The following SPATA13 variants were observed in gnomAD, a reference collection of about 807,000 sequenced individuals.
SPATA13 encodes the protein spermatogenesis associated 13, also known as spermatogenesis-associated protein 13.
SPATA13 carries 50 observed loss-of-function variants against 104.0 expected under a neutral mutation model. The observed-to-expected ratio is 0.48, with a 90% CI of 0.38 to 0.61. The LOEUF is 0.61. Among genes scored for constraint, SPATA13 ranks in the 20% least tolerant of loss-of-function variants. The probability of loss-of-function intolerance (pLI) is 0.00; values close to 1 mark genes in which losing one functional copy is unlikely to be tolerated. For missense variants in SPATA13, 1,524 were observed against 1,690.6 expected (o/e 0.90, Z 1.73); for synonymous variants, 606 against 667.5 (o/e 0.91, Z 1.42).
At chr13:24,245,608 T>TTA (rs1491574293) in intron 2 of SPATA13, among the ~76,000 whole-genome samples, 4 of 131,414 alleles carry the variant, frequency 3.0e-5, no homozygotes, top group Non-Finnish European at 5.0e-5. Context: ...TTTTTTTTTT[T>TTA]AGACAACAGG....
At chr13:24,139,938 G>A (rs1053155980) in intron 3 of SPATA13, among the ~76,000 whole-genome samples, 7 of 151,980 alleles carry the variant, frequency 4.6e-5, no homozygotes, top group African/African-American at 1.7e-4. Flanking sequence ...CGTGGTGGCG[G>A]GCACCTGTAG....
intron 3 of SPATA13, among the ~76,000 whole-genome samples, chr13:24,024,594 G>T (rs569737529): frequency 6.6e-6 from 1 of 151,564 alleles, no homozygotes; most frequent in Admixed American, 6.6e-5. Flanking sequence ...CAGCTGGCAC[G>T]CTGCTGCTGA....
rs200561968 is a variant in SPATA13, at chr13:24,294,881, C to G, written c.3210+13C>G. On this transcript the variant is annotated intron_variant, in intron 10 of 12. Transcript: ENST00000382108. ...CGTGGGCTGGGAGGTAAGTGGAAAG[C>G]ACCCCACATGATCCCATGCCACTCG... is the stretch of plus-strand genomic sequence containing the variant. The G allele has an allele frequency of 3.9e-5, 63 of 1,599,420 alleles. No individual in the cohort carries two copies.
intron 2 of SPATA13, among the ~76,000 whole-genome samples, chr13:23,990,394 C>T (rs1349455255): frequency 2.6e-5 from 4 of 152,174 alleles, no homozygotes; most frequent in Admixed American, 2.0e-4. Context: ...TTTCCTTGCT[C>T]ATTGCCCCCT....
chr13:24,115,632 G>A (rs1349104451), intron 3 of SPATA13, among the ~76,000 whole-genome samples: 1 of 152,226 alleles, frequency 6.6e-6, no homozygotes, highest in African/African-American at 2.4e-5. Flanking sequence ...TGCCAAAAAG[G>A]TTGGAGACTG....
intron 2 of SPATA13, among the ~76,000 whole-genome samples, chr13:24,246,978 C>T (rs1315357985): frequency 1.3e-5 from 2 of 152,180 alleles, no homozygotes; most frequent in Non-Finnish European, 2.9e-5. Context: ...GATAAATAGG[C>T]TTTCAGGAAA....
chr13:24,023,077 T>C (rs975648440), intron 3 of SPATA13, among the ~76,000 whole-genome samples: 10 of 152,166 alleles, frequency 6.6e-5, no homozygotes, highest in Admixed American at 5.9e-4. Context: ...CTCCCAATGC[T>C]ATCCCTCCCC....
intron 9 of SPATA13, 35 bp downstream of exon 9, chr13:24,290,919 A>G (rs12430530): frequency 0.18 from 278,435 of 1,547,220 alleles, 26,246 homozygotes; most frequent in Admixed American, 0.3. Context: ...AGGTGAGAGC[A>G]CTGCTGCCAT....
In SPATA13 at chr13:23,990,379, C is replaced by G. The variant is rs539378681; in HGVS notation, c.-147+6446C>G. 3.0e-4 allele frequency among the ~76,000 whole-genome samples: 45 copies of G among 152,324 alleles called. No individual in the cohort carries two copies. In the South Asian group the frequency reaches 8.5e-3, roughly 29 times the overall value. ...GGACTGGCATGCCCTGGCTCACTCC[C>G]TCTGTTTCCTTGCTCATTGCCCCCT... is the stretch of plus-strand genomic sequence containing the variant. On this transcript the variant is annotated intron_variant, in intron 2 of 14. Transcript: ENST00000424834.
intron 2 of SPATA13, among the ~76,000 whole-genome samples, chr13:24,010,076 T>G (rs919756620): frequency 2.6e-5 from 4 of 152,216 alleles, no homozygotes; most frequent in Admixed American, 2.6e-4. Context: ...TACACTGGTT[T>G]TGTCCTGAAA....
chr13:24,150,091 G>A (rs1266411338), intron 3 of SPATA13, among the ~76,000 whole-genome samples: 1 of 152,106 alleles, frequency 6.6e-6, no homozygotes, highest in African/African-American at 2.4e-5. Context: ...AGACGGAGCT[G>A]GGCAATGCTG....
At chr13:24,221,937 C>A (rs1245537579) in intron 1 of SPATA13, among the ~76,000 whole-genome samples, 1 of 151,710 alleles carries the variant, frequency 6.6e-6, no homozygotes. Context: ...TTCAGCCTCC[C>A]GAGTAGCTAG....
chr13:24,066,518 C>G (rs1169507013), intron 3 of SPATA13, among the ~76,000 whole-genome samples: 1 of 152,120 alleles, frequency 6.6e-6, no homozygotes, highest in African/African-American at 2.4e-5. Context: ...ATTTTACCAC[C>G]CTGGGACAAA....
chr13:23,991,310 A>G (rs1875404939), intron 2 of SPATA13, among the ~76,000 whole-genome samples: 1 of 152,220 alleles, frequency 6.6e-6, no homozygotes, highest in African/African-American at 2.4e-5. Flanking sequence ...ATTCAGGGCA[A>G]TAAATCCTGT....
chr13:23,992,595 G>A (rs1875464991), intron 2 of SPATA13, among the ~76,000 whole-genome samples: 1 of 152,152 alleles, frequency 6.6e-6, no homozygotes, highest in Non-Finnish European at 1.5e-5. Context: ...GTTGGCAGGG[G>A]TAGTCCCATG....
rs201620960 is a variant in SPATA13 at position 24,257,611 on chromosome 13, CT to C, written c.2164+5762del. ...CTCAATTTGATTTTTTAAATTTTTA[CT>C]TTTTTTTTTTTTGGCAAATATAGTT... On this transcript the variant is annotated intron_variant, in intron 4 of 12. Transcript: ENST00000382108. Among the ~76,000 whole-genome samples, 1,161 of 143,176 alleles carry C rather than the reference CT, an allele frequency of 8.1e-3. 8 individuals are homozygous for C. The highest frequency in any genetic ancestry group is 0.021 in the African/African-American group (833 of 39,330). 93.9% of individuals were successfully genotyped at this position (143,176 alleles called of 152,430 possible). A position where few individuals can be genotyped will look rare whatever the true frequency, so the allele number is the denominator to read the frequency against.
chr13:24,147,344 T>G (rs1310663112), intron 3 of SPATA13, among the ~76,000 whole-genome samples: 1 of 152,162 alleles, frequency 6.6e-6, no homozygotes, highest in East Asian at 1.9e-4. Flanking sequence ...TTTCTGTAAT[T>G]TAGCTTGTAG....
intron 1 of SPATA13, among the ~76,000 whole-genome samples, chr13:24,198,245 G>A (rs552442851): frequency 2.4e-4 from 37 of 152,084 alleles, no homozygotes; most frequent in African/African-American, 8.7e-4. Flanking sequence ...TGCCCCCCTT[G>A]GCCTCCCAAA....
intron 10 of SPATA13, among the ~76,000 whole-genome samples, chr13:24,296,677 G>A (rs184541499): frequency 6.6e-6 from 1 of 152,104 alleles, no homozygotes; most frequent in African/African-American, 2.4e-5. Context: ...TGGAGGCTCC[G>A]TTTGGGTCAG....
Sources: allele counts gnomAD v4.1 joint callset (sites outside exome capture counted in the v4.1 genomes callset), GRCh38; gene constraint gnomAD v4.1.1; transcripts MANE v1.5; gene names NCBI Gene and HGNC (gene_info 2026-07-23, HGNC 2026-07-21).